PDE6G: variants seen among roughly 807,000 people sequenced by gnomAD.
The protein encoded by PDE6G is rod cGMP 3',5'-cyclic phosphodiesterase subunit gamma.
A neutral mutation model predicts 10.9 loss-of-function variants in PDE6G; 10 were observed. The ratio of observed to expected loss-of-function variants is 0.91; its 90% CI spans 0.56 to 1.55. The LOEUF (loss-of-function observed/expected upper bound fraction) is 1.55. Ranked by LOEUF, PDE6G falls within the 40% of genes most tolerant of loss-of-function variation. PDE6G has a pLI of 0.00. For synonymous variants in PDE6G, 41 were observed against 42.8 expected (o/e 0.96, Z 0.16); for missense variants, 102 against 110.1 (o/e 0.93, Z 0.33).
upstream of PDE6G, among the ~76,000 whole-genome samples, chr17:81,661,266 G>C (rs1234706189): frequency 6.6e-6 from 1 of 152,054 alleles, no homozygotes. Context: ...CTTGCCTGTA[G>C]TCCCAGCTAC....
intron 1 of PDE6G, among the ~76,000 whole-genome samples, chr17:81,662,483 C>A (rs59178598): frequency 5.9e-5 from 9 of 151,988 alleles, no homozygotes; most frequent in South Asian, 4.1e-4. Context: ...ATTAGCCAGA[C>A]GCTGTGGGGC....
intron 1 of PDE6G, among the ~76,000 whole-genome samples, chr17:81,662,122 G>C (rs924508360): frequency 3.9e-5 from 6 of 152,066 alleles, no homozygotes; most frequent in African/African-American, 1.4e-4. Flanking sequence ...ATGTACATAT[G>C]ATAGGTATTG....
intron 1 of PDE6G, among the ~76,000 whole-genome samples, chr17:81,656,040 C>A (rs1568189093): frequency 6.6e-6 from 1 of 152,114 alleles, no homozygotes; most frequent in Non-Finnish European, 1.5e-5. Flanking sequence ...GATCCCATGG[C>A]ACCCAATCCT....
rs781692618 is a variant in PDE6G at position 81,653,111 on chromosome 17, C to G, written c.146+49G>C. ...CCGCCCTCCCCTTCCTGTGCAGCCT[C>G]AGGACCGCCTCCTCCCTTTCAGAGG... is the stretch of plus-strand genomic sequence containing the variant. On this transcript the variant is annotated intron_variant, in intron 2 of 3. Coordinates refer to ENST00000331056, the MANE Select transcript of PDE6G (RefSeq NM_002602.4). The surrounding 1 kb of genome is among the most constrained non-coding windows in gnomAD (Gnocchi z 5.2). 6.2e-7 allele frequency: 1 copy of G among 1,608,318 alleles called. No individual in the cohort carries two copies. The highest frequency in any genetic ancestry group is 8.5e-7 in the Non-Finnish European group (1 of 1,175,334).
At chr17:81,659,079 G>A (rs2036484619), upstream of PDE6G, among the ~76,000 whole-genome samples, 1 of 150,576 alleles carries the variant, frequency 6.6e-6, no homozygotes, top group Non-Finnish European at 1.5e-5. Flanking sequence ...AATGGAACAA[G>A]TCAAAAACCT....
In PDE6G at chr17:81,650,865, G is replaced by A. The variant is rs1479856004; in HGVS notation, c.*209C>T. 3 of 647,488 alleles carry A rather than the reference G, an allele frequency of 4.6e-6. No homozygotes were observed. Among genetic ancestry groups the A allele is most frequent in the South Asian group, 4.5e-5 (3 of 66,136 alleles). 40.1% of individuals were successfully genotyped at this position (647,488 alleles called of 1,614,324 possible). On this transcript the variant is annotated 3_prime_UTR_variant, in exon 4 of 4. Coordinates refer to ENST00000331056, the MANE Select transcript of PDE6G (RefSeq NM_002602.4). ...TATCTCCAGATGTTGAGCAGGGCCT[G>A]GCCAGCCCCTGAGGGGGCATCCTAG...
chr17:81,662,091 C>T (rs1374773309), intron 1 of PDE6G, among the ~76,000 whole-genome samples: 1 of 151,918 alleles, frequency 6.6e-6, no homozygotes, highest in Non-Finnish European at 1.5e-5. Context: ...TCAAGTTGTC[C>T]CTCCTTTCCT....
At chr17:81,657,444 C>T (rs1291117467), upstream of PDE6G, among the ~76,000 whole-genome samples, 6 of 152,214 alleles carry the variant, frequency 3.9e-5, no homozygotes, top group African/African-American at 1.2e-4. Flanking sequence ...CGCTTCTGCA[C>T]CAAATCAGAA....
chr17:81,652,523 C>T (rs1408536772), intron 2 of PDE6G, among the ~76,000 whole-genome samples: 3 of 151,966 alleles, frequency 2.0e-5, no homozygotes, highest in Admixed American at 6.6e-5. Flanking sequence ...GTGATCCGCC[C>T]GCCTCGGCCT....
rs1164728355 is a variant in PDE6G, at chr17:81,653,763, G to A, written c.-59-399C>T. The A allele has an allele frequency of 5.6e-6, 1 of 177,404 alleles. No individual in the cohort carries two copies. The highest frequency in any genetic ancestry group is 1.2e-5 in the Non-Finnish European group (1 of 82,918). The allele number at this position is 177,404 out of a possible 1,614,324, so 11.0% of individuals were successfully genotyped here. On this transcript the variant is annotated intron_variant, in intron 1 of 3. Transcript: ENST00000331056. The surrounding 1 kb of genome is among the most constrained non-coding windows in gnomAD (Gnocchi z 5.2). ...CCTTCCCCTGCGTTCCCCACCCCAG[G>A]GAAGCGTGACTCCCGTCGGCATTTA...
intron 1 of PDE6G, among the ~76,000 whole-genome samples, chr17:81,662,712 C>T (rs1275019972): frequency 6.6e-6 from 1 of 152,092 alleles, no homozygotes; most frequent in Non-Finnish European, 1.5e-5. Flanking sequence ...GAAAACTAAG[C>T]AGTTGGCCGG....
chr17:81,659,151 C>CTTTT (rs779928637), upstream of PDE6G, among the ~76,000 whole-genome samples: 58 of 114,664 alleles, frequency 5.1e-4, no homozygotes, highest in Non-Finnish European at 5.6e-4. Context: ...CAATCCATAT[C>CTTTT]TTTTTTTTTT....
chr17:81,658,116 G>C (rs999193511), upstream of PDE6G, among the ~76,000 whole-genome samples: 3 of 151,606 alleles, frequency 2.0e-5, no homozygotes, highest in African/African-American at 7.3e-5. Context: ...ACTGAGTCTC[G>C]CTCTGTTGCC....
intron 1 of PDE6G, among the ~76,000 whole-genome samples, chr17:81,654,276 C>T (rs2036413297): frequency 1.3e-5 from 2 of 152,162 alleles, no homozygotes; most frequent in South Asian, 4.1e-4. Context: ...CCCCGCCCTG[C>T]AGCCACTGTG....
intron 1 of PDE6G, chr17:81,662,946 T>A (rs79897854): frequency 0.07 from 10,662 of 152,282 alleles, 437 homozygotes; most frequent in Non-Finnish European, 0.085. Context: ...GCTACAGAAC[T>A]AAGCAGTCCG....
upstream of PDE6G, among the ~76,000 whole-genome samples, chr17:81,657,968 G>A (rs1401156443): frequency 6.6e-6 from 1 of 152,148 alleles, no homozygotes; most frequent in Non-Finnish European, 1.5e-5. Flanking sequence ...TTGGGAGGCT[G>A]AGGCAGGAGG....
upstream of PDE6G, chr17:81,656,954 CT>C (rs1261204777): frequency 3.2e-6 from 1 of 311,210 alleles, no homozygotes; most frequent in African/African-American, 2.1e-5. Context: ...GCCTTTGCAC[CT>C]GCTGCTCCTG....
At chr17:81,660,284 G>C (rs753924457), upstream of PDE6G, among the ~76,000 whole-genome samples, 46 of 151,352 alleles carry the variant, frequency 3.0e-4, no homozygotes, top group Non-Finnish European at 5.7e-4. Context: ...GTGGTGGCAG[G>C]TGCCTTAATC....
Position 81,651,837 on chromosome 17 carries a change from C to T in PDE6G, c.147-152G>A. The T allele has an allele frequency of 1.2e-6, 1 of 804,590 alleles. No homozygotes were observed. The highest frequency in any genetic ancestry group is 2.1e-6 in the Non-Finnish European group (1 of 476,876). 49.8% of individuals were successfully genotyped at this position (804,590 alleles called of 1,614,324 possible). A position where few individuals can be genotyped will look rare whatever the true frequency, so the allele number is the denominator to read the frequency against. ...CCGCCTCCTCCCCAACCTCCCAGGGCTTGGCGCATCTGAGGAGGCTTCCCT... is the reference window on the plus strand; with the variant it reads ...CCGCCTCCTCCCCAACCTCCCAGGGTTTGGCGCATCTGAGGAGGCTTCCCT... On this transcript the variant is annotated intron_variant, in intron 2 of 3. Coordinates refer to ENST00000331056, the MANE Select transcript of PDE6G (RefSeq NM_002602.4). The surrounding 1 kb of genome is among the most constrained non-coding windows in gnomAD (Gnocchi z 4.8).
Sources: allele counts gnomAD v4.1 joint callset (sites outside exome capture counted in the v4.1 genomes callset), GRCh38; gene constraint gnomAD v4.1.1; non-coding constraint Gnocchi (gnomAD v3.1); transcripts MANE v1.5; gene names NCBI Gene and HGNC (gene_info 2026-07-23, HGNC 2026-07-21).